The following ZC3HAV1L variants were observed in gnomAD, a reference collection of about 807,000 sequenced individuals.
ZC3HAV1L encodes the protein ZC3HAV1 like.
Under a neutral mutation model 28.2 loss-of-function variants are expected in ZC3HAV1L, and 23 were observed. That is an observed-to-expected ratio of 0.82 (90% CI 0.59 to 1.16). The LOEUF (loss-of-function observed/expected upper bound fraction) is 1.16. Among genes scored for constraint, ZC3HAV1L ranks in the 50% most tolerant of loss-of-function variants. The pLI, the probability that ZC3HAV1L is intolerant of heterozygous loss-of-function variation, is 0.00. For missense variants in ZC3HAV1L, 376 were observed against 387.7 expected (o/e 0.97, Z 0.25); for synonymous variants, 180 against 163.4 (o/e 1.10, Z -0.78).
At chr7:139,034,510 A>G (rs751554530) in intron 2 of ZC3HAV1L, 33 bp downstream of exon 2, 12 of 1,606,654 alleles carry the variant, frequency 7.5e-6, no homozygotes. Context: ...CTTGTAGCAA[A>G]TGTGACATGA....
At chr7:139,024,884 C>A (rs542644301), downstream of ZC3HAV1L, among the ~76,000 whole-genome samples, 1 of 151,980 alleles carries the variant, frequency 6.6e-6, no homozygotes, top group Non-Finnish European at 1.5e-5. Flanking sequence ...ATAAACAGAA[C>A]AAAAAAATTA....
At chr7:139,030,336 T>C (rs757845735) in intron 2 of ZC3HAV1L, among the ~76,000 whole-genome samples, 1 of 151,990 alleles carries the variant, frequency 6.6e-6, no homozygotes, top group African/African-American at 2.4e-5. Context: ...TTCCAGCTAC[T>C]GGGGAGGCTG....
At chr7:139,023,925 G>A (rs750865403), downstream of ZC3HAV1L, among the ~76,000 whole-genome samples, 1 of 151,964 alleles carries the variant, frequency 6.6e-6, no homozygotes, top group African/African-American at 2.4e-5. Flanking sequence ...CTCCAACACT[G>A]GGTAACCAAT....
chr7:139,026,393 A>G lies in ZC3HAV1L; in HGVS notation c.*151T>C, dbSNP rs1815352757. On this transcript the variant is annotated 3_prime_UTR_variant, in exon 5 of 5. Coordinates refer to ENST00000275766, the MANE Select transcript of ZC3HAV1L (RefSeq NM_080660.4). ...AGGAAAGCACCTAGGAGCTGCAGAT[A>G]GCAGCTGCCATCTTCAGCACTTGCC... 8.3e-7 allele frequency: 1 copy of G among 1,204,606 alleles called. No homozygotes were observed. Among genetic ancestry groups the G allele is most frequent in the South Asian group, 1.6e-5 (1 of 61,440 alleles). 74.6% of individuals were successfully genotyped at this position (1,204,606 alleles called of 1,614,324 possible).
chr7:139,030,630 C>T (rs1815498114), intron 2 of ZC3HAV1L, among the ~76,000 whole-genome samples: 1 of 151,832 alleles, frequency 6.6e-6, no homozygotes, highest in Non-Finnish European at 1.5e-5. Flanking sequence ...AGTTCAAGAC[C>T]AGCCTGGCCA....
intron 2 of ZC3HAV1L, among the ~76,000 whole-genome samples, chr7:139,033,081 T>C (rs1455849062): frequency 1.3e-5 from 2 of 152,046 alleles, no homozygotes; most frequent in East Asian, 3.9e-4. Context: ...TGGTGGCACG[T>C]GCCTGTAGTC....
chr7:139,035,580 C>T (rs1391183809), intron 1 of ZC3HAV1L, 73 bp downstream of exon 1: 3 of 1,341,676 alleles, frequency 2.2e-6, no homozygotes, highest in Middle Eastern at 2.8e-4. Flanking sequence ...CCCTTCCCGT[C>T]GCTCCCGCTT....
chr7:139,031,960 A>G (rs1815546861), intron 2 of ZC3HAV1L, among the ~76,000 whole-genome samples: 1 of 152,068 alleles, frequency 6.6e-6, no homozygotes, highest in African/African-American at 2.4e-5. Flanking sequence ...CTGCAGTCCC[A>G]GCTACTCGAG....
At chr7:139,022,023 A>G (rs1207716790), downstream of ZC3HAV1L, among the ~76,000 whole-genome samples, 1 of 152,144 alleles carries the variant, frequency 6.6e-6, no homozygotes, top group Non-Finnish European at 1.5e-5. Flanking sequence ...AGAAAGAATT[A>G]ATTAAGGTAT....
chr7:139,033,978 C>T (rs890496357), intron 2 of ZC3HAV1L: 3 of 985,308 alleles, frequency 3.0e-6, no homozygotes, highest in Admixed American at 6.2e-5. Flanking sequence ...AGAAATGAAA[C>T]AGGTTATGCA....
downstream of ZC3HAV1L, among the ~76,000 whole-genome samples, chr7:139,023,499 T>A (rs541772827): frequency 2.5e-4 from 38 of 152,316 alleles, no homozygotes; most frequent in African/African-American, 9.1e-4. Flanking sequence ...GTTCACTTCA[T>A]CCATTTAACT....
At chr7:139,023,512 C>T (rs1018933113), downstream of ZC3HAV1L, among the ~76,000 whole-genome samples, 2 of 152,194 alleles carry the variant, frequency 1.3e-5, no homozygotes, top group Non-Finnish European at 2.9e-5. Context: ...ATTTAACTCA[C>T]CTTTCTAGTC....
At chr7:139,034,944 C>G (rs974532693) in intron 1 of ZC3HAV1L, 2 of 985,382 alleles carry the variant, frequency 2.0e-6, no homozygotes, top group African/African-American at 1.7e-5. Context: ...ACATCTGTTC[C>G]GTAGGCGACT....
chr7:139,025,215 G>A (rs763157190), downstream of ZC3HAV1L, among the ~76,000 whole-genome samples: 7 of 152,220 alleles, frequency 4.6e-5, no homozygotes, highest in South Asian at 2.1e-4. Context: ...TTGGGAGGCC[G>A]AGGCAGGCAG....
chr7:139,026,413 C>A lies in ZC3HAV1L; in HGVS notation c.*131G>T. The A allele has an allele frequency of 7.0e-7, 1 of 1,429,852 alleles. No homozygotes were observed. Among genetic ancestry groups the A allele is most frequent in the Non-Finnish European group, 9.3e-7 (1 of 1,078,012 alleles). The allele number at this position is 1,429,852 out of a possible 1,614,324, so 88.6% of individuals were successfully genotyped here. On this transcript the variant is annotated 3_prime_UTR_variant, in exon 5 of 5. Transcript: ENST00000275766. ...CAGATAGCAGCTGCCATCTTCAGCA[C>A]TTGCCCTGGACTAGCCCCATCTGCA...
downstream of ZC3HAV1L, chr7:139,022,340 T>A (rs1563112027): frequency 2.6e-6 from 1 of 378,202 alleles, no homozygotes; most frequent in Non-Finnish European, 5.4e-6. Flanking sequence ...GCTTAGGAGT[T>A]CAAGACCAGC....
downstream of ZC3HAV1L, among the ~76,000 whole-genome samples, chr7:139,022,673 C>G (rs930317185): frequency 6.6e-6 from 1 of 152,070 alleles, no homozygotes; most frequent in Non-Finnish European, 1.5e-5. Context: ...TTACAATTAC[C>G]AAGAATAAAT....
chr7:139,026,516 A>G lies in ZC3HAV1L; in HGVS notation c.*28T>C. 6.2e-7 allele frequency: 1 copy of G among 1,613,628 alleles called. No individual in the cohort carries two copies. The highest frequency in any genetic ancestry group is 8.5e-7 in the Non-Finnish European group (1 of 1,179,964). On this transcript the variant is annotated 3_prime_UTR_variant, in exon 5 of 5. Transcript: ENST00000275766. ...CCCATGCCCAAATGTATTCTTCCAA[A>G]AGGACATTTTCTCCTTTTCCATCTT...
At chr7:139,023,688 C>T (rs1381248769), downstream of ZC3HAV1L, among the ~76,000 whole-genome samples, 2 of 152,162 alleles carry the variant, frequency 1.3e-5, no homozygotes, top group South Asian at 2.1e-4. Context: ...AATCCACAAA[C>T]GCTTATTCTA....
Sources: allele counts gnomAD v4.1 joint callset (sites outside exome capture counted in the v4.1 genomes callset), GRCh38; gene constraint gnomAD v4.1.1; transcripts MANE v1.5; gene names NCBI Gene and HGNC (gene_info 2026-07-23, HGNC 2026-07-21).